The following HAUS6 variants were observed in gnomAD, a reference collection of about 807,000 sequenced individuals.
HAUS6 encodes the protein HAUS augmin-like complex subunit 6.
Under a neutral mutation model 106.8 loss-of-function variants are expected in HAUS6, and 80 were observed. The ratio of observed to expected loss-of-function variants is 0.75; its 90% CI spans 0.63 to 0.90. HAUS6 has a LOEUF of 0.90. HAUS6 is among the 40% of genes least tolerant of loss of function. The pLI, the probability that HAUS6 is intolerant of heterozygous loss-of-function variation, is 0.00. For missense variants in HAUS6, 1,155 were observed against 1,118.1 expected, an observed-to-expected ratio of 1.03 and a Z score of -0.47; for synonymous variants, 356 against 379.1, an observed-to-expected ratio of 0.94 and a Z score of 0.71.
rs1321496332 is a variant in HAUS6 at position 19,055,225 on chromosome 9, G to A, written c.*1118C>T. ...GGGGCTAGTGGACAAGATTTTGATG[G>A]TAGTGAGATGGGGTCTACAAAGGGT... On this transcript the variant is annotated 3_prime_UTR_variant, in exon 17 of 17. Transcript: ENST00000380502. 2.0e-5 allele frequency: 3 copies of A among 152,092 alleles called. No individual in the cohort carries two copies. Among genetic ancestry groups the A allele is most frequent in the Non-Finnish European group, 4.4e-5 (3 of 67,988 alleles). The allele number at this position is 152,092 out of a possible 1,614,324, so 9.4% of individuals were successfully genotyped here.
At chr9:19,096,267 T>G (rs1340215431) in intron 2 of HAUS6, among the ~76,000 whole-genome samples, 2 of 152,154 alleles carry the variant, frequency 1.3e-5, no homozygotes, top group South Asian at 2.1e-4. Context: ...AAAGGCCAAG[T>G]TGAAATTCTG....
intron 3 of HAUS6, among the ~76,000 whole-genome samples, chr9:19,093,975 G>C (rs1817808673): frequency 6.6e-6 from 1 of 152,118 alleles, no homozygotes; most frequent in South Asian, 2.1e-4. Flanking sequence ...GACCTGGTCA[G>C]AAAAAACAAT....
At chr9:19,079,739 C>T (rs1277765224) in intron 9 of HAUS6, among the ~76,000 whole-genome samples, 3 of 151,858 alleles carry the variant, frequency 2.0e-5, no homozygotes, top group Non-Finnish European at 2.9e-5. Context: ...CCCATCCCTA[C>T]TAAAAATACA....
In HAUS6 at chr9:19,087,168, C is replaced by T. The variant is rs1837317551; in HGVS notation, c.585-12G>A. On this transcript the variant is annotated splice_polypyrimidine_tract_variant and intron_variant, in intron 5 of 16. Transcript: ENST00000380502. The stretch of plus-strand genomic sequence containing the variant: ...GCTTAACTGATAATCTGCAAGAAAA[C>T]ATACAAAATGACAACTATAATACCA... 7.2e-7 allele frequency: 1 copy of T among 1,388,522 alleles called. No homozygotes were observed. The highest frequency in any genetic ancestry group is 1.2e-5 in the South Asian group (1 of 86,176). 86.0% of individuals were successfully genotyped at this position (1,388,522 alleles called of 1,614,324 possible). A position where few individuals can be genotyped will look rare whatever the true frequency, so the allele number is the denominator to read the frequency against.
intron 13 of HAUS6, 27 bp downstream of exon 13, chr9:19,063,487 T>C (rs372465274): frequency 3.4e-6 from 4 of 1,160,564 alleles, no homozygotes; most frequent in African/African-American, 3.1e-5. Flanking sequence ...TGGTCCAGAA[T>C]TAATTGAGAC....
At chr9:19,079,509 G>A (rs186476560) in intron 9 of HAUS6, among the ~76,000 whole-genome samples, 1 of 152,048 alleles carries the variant, frequency 6.6e-6, no homozygotes, top group East Asian at 2.0e-4. Context: ...GGGATTACAA[G>A]TGTGAGCCAC....
chr9:19,078,424 A>T, intron 9 of HAUS6, 122 bp from the exon 10 acceptor site: 1 of 603,746 alleles, frequency 1.7e-6, no homozygotes, highest in Non-Finnish European at 3.0e-6. Context: ...TTCAATCAAT[A>T]TACCACATAT....
chr9:19,056,448 AAAAT>A (rs749119861), intron 16 of HAUS6, 44 bp from the exon 17 acceptor site: 1 of 1,063,730 alleles, frequency 9.4e-7, no homozygotes, highest in South Asian at 1.3e-5. Flanking sequence ...ATTACAAAGA[AAAAT>A]AAACAATAGA....
At chr9:19,096,057 T>C (rs1273952949) in intron 2 of HAUS6, among the ~76,000 whole-genome samples, 9 of 152,218 alleles carry the variant, frequency 5.9e-5, no homozygotes, top group African/African-American at 2.2e-4. Context: ...CATTTAATTG[T>C]TTTGCTAACA....
At chr9:19,079,230 CTT>C (rs568828420) in intron 9 of HAUS6, among the ~76,000 whole-genome samples, 2 of 129,444 alleles carry the variant, frequency 1.5e-5, no homozygotes, top group Admixed American at 7.8e-5. Context: ...ATTTTTTTTT[CTT>C]TTTTTTTTTT....
In HAUS6 at chr9:19,102,821, T is replaced by G; in HGVS notation, c.-170A>C. On this transcript the variant is annotated 5_prime_UTR_variant, in exon 1 of 17. Transcript: ENST00000380502. ...TTTCGCCTCAAAGGGCCTCACAACC[T>G]CCGGGAAATTGAGTTTCTAACGGTA... The G allele has an allele frequency of 5.1e-6, 3 of 588,982 alleles. No homozygotes were observed. The highest frequency in any genetic ancestry group is 3.5e-5 in the Admixed American group (1 of 28,426). 36.5% of individuals were successfully genotyped at this position (588,982 alleles called of 1,614,324 possible).
At chr9:19,056,656 A>G in intron 16 of HAUS6, 1 of 355,010 alleles carries the variant, frequency 2.8e-6, no homozygotes, top group South Asian at 4.3e-5. Flanking sequence ...GCTGGAGTGC[A>G]GTGGCACGAT....
At chr9:19,092,404 T>C (rs1376575254) in intron 4 of HAUS6, among the ~76,000 whole-genome samples, 1 of 150,864 alleles carries the variant, frequency 6.6e-6, no homozygotes, top group Admixed American at 6.6e-5. Context: ...TCACCTGAGG[T>C]CGGGAGTTTG....
chr9:19,089,328 C>A, intron 5 of HAUS6, 84 bp downstream of exon 5: 1 of 827,142 alleles, frequency 1.2e-6, no homozygotes, highest in African/African-American at 1.7e-5. Context: ...TTCAGGTAGG[C>A]ATGGATTATT....
intron 11 of HAUS6, among the ~76,000 whole-genome samples, chr9:19,071,229 G>C (rs143963373): frequency 6.6e-6 from 1 of 152,188 alleles, no homozygotes; most frequent in East Asian, 1.9e-4. Flanking sequence ...TCAAAAAGCA[G>C]ATTAAACATA....
chr9:19,095,726 T>C (rs569841883), intron 2 of HAUS6, among the ~76,000 whole-genome samples: 2 of 152,236 alleles, frequency 1.3e-5, no homozygotes, highest in East Asian at 3.9e-4. Context: ...GATGGTACAA[T>C]ATAAATATCA....
chr9:19,058,623 G>A lies in HAUS6; in HGVS notation c.2144C>T (p.Ser715Phe), dbSNP rs774152882. The change falls in exon 16 of 17, where the codon TCC (serine) becomes TTC (phenylalanine). Residue 715 changes from serine to phenylalanine, a missense_variant. Physicochemically the swap from Ser to Phe is radical, Grantham distance 155 (BLOSUM62 -2). This residue lies in a region of HAUS6 where 380 missense variants were observed against 394.8 expected (regional missense o/e 0.96). Transcript: ENST00000380502. ...LSETSRMETF[S>F]PAVGNRIDVM... is the part of the protein sequence containing the mutation. ...ATCTATCCTATTGCCGACAGCAGGG[G>A]AGAATGTCTCCATTCGGCTAGTTTC... The A allele has an allele frequency of 2.5e-6, 4 of 1,606,100 alleles. No individual in the cohort carries two copies. The highest frequency in any genetic ancestry group is 3.3e-5 in the Admixed American group (2 of 59,858).
rs980784090 is a variant in HAUS6 at position 19,053,739 on chromosome 9, G to A, written c.*2604C>T. The A allele has an allele frequency of 3.9e-5, 6 of 152,128 alleles. No homozygotes were observed. The highest frequency in any genetic ancestry group is 2.6e-4 in the Admixed American group (4 of 15,268). 9.4% of individuals were successfully genotyped at this position (152,128 alleles called of 1,614,324 possible). A position where few individuals can be genotyped will look rare whatever the true frequency, so the allele number is the denominator to read the frequency against. On this transcript the variant is annotated 3_prime_UTR_variant, in exon 17 of 17. Transcript: ENST00000380502. ...ATTAATGTAATAAGAAATCCACTTA[G>A]AGTAATAAATTAGCCCTCTTTACCA...
chr9:19,080,170 GTC>G, intron 9 of HAUS6, among the ~76,000 whole-genome samples: 1 of 80,532 alleles, frequency 1.2e-5, no homozygotes, highest in Admixed American at 1.8e-4. Context: ...GCGAAACTCC[GTC>G]TCAAAAAAAA....
Sources: gnomAD v4.1 joint callset for allele counts (sites outside exome capture counted in the v4.1 genomes callset) on GRCh38, gnomAD v4.1.1 for gene constraint, gnomAD v4.1.1 regional missense constraint, MANE v1.5 for transcripts, NCBI Gene and HGNC (gene_info 2026-07-23, HGNC 2026-07-21) for gene names.